The following SPAG16 variants were observed in gnomAD, a reference collection of about 807,000 sequenced individuals.
The protein encoded by SPAG16 is sperm associated antigen 16.
Under a neutral mutation model 80.4 loss-of-function variants are expected in SPAG16, and 86 were observed. The observed-to-expected ratio is 1.07, with a 90% CI of 0.90 to 1.28. The LOEUF is 1.28. Among genes scored for constraint, SPAG16 ranks in the 50% most tolerant of loss-of-function variants. SPAG16 has a pLI of 0.00. For synonymous variants in SPAG16, 294 were observed against 265.9 expected (o/e 1.11, Z -1.03); for missense variants, 870 against 765.3 (o/e 1.14, Z -1.61).
intron 12 of SPAG16, among the ~76,000 whole-genome samples, chr2:213,998,339 C>G (rs1475030290): frequency 6.6e-6 from 1 of 152,078 alleles, no homozygotes; most frequent in Non-Finnish European, 1.5e-5. Flanking sequence ...GTGGTTTCCC[C>G]CATACTGTTC....
At chr2:214,002,035 C>T (rs563012072) in intron 12 of SPAG16, among the ~76,000 whole-genome samples, 1 of 152,192 alleles carries the variant, frequency 6.6e-6, no homozygotes, top group South Asian at 2.1e-4. Flanking sequence ...GAGAGCCGAG[C>T]GAAAGGGGTT....
At chr2:214,012,284 A>ATTTTTTTTTTTT (rs1483720818) in intron 12 of SPAG16, among the ~76,000 whole-genome samples, 19 of 54,590 alleles carry the variant, frequency 3.5e-4, no homozygotes, top group African/African-American at 6.9e-4. Flanking sequence ...ATATATATAT[A>ATTTTTTTTTTTT]TATATTTTTT....
At chr2:214,086,025 T>C (rs2051717947) in intron 13 of SPAG16, among the ~76,000 whole-genome samples, 1 of 152,226 alleles carries the variant, frequency 6.6e-6, no homozygotes, top group Non-Finnish European at 1.5e-5. Context: ...AGATTAAAAT[T>C]TTAAATTACT....
At chr2:214,360,909 A>G (rs13027773) in intron 15 of SPAG16, among the ~76,000 whole-genome samples, 1 of 151,832 alleles carries the variant, frequency 6.6e-6, no homozygotes, top group Non-Finnish European at 1.5e-5. Context: ...TCAATTTTAG[A>G]GGAAGAGAAA....
At chr2:214,356,961 T>A (rs1698850411) in intron 15 of SPAG16, among the ~76,000 whole-genome samples, 1 of 151,954 alleles carries the variant, frequency 6.6e-6, no homozygotes, top group Non-Finnish European at 1.5e-5. Flanking sequence ...AGTGTTTGTC[T>A]CTAATACCCT....
At chr2:213,943,321 G>A (rs1038841469) in intron 12 of SPAG16, among the ~76,000 whole-genome samples, 2 of 152,188 alleles carry the variant, frequency 1.3e-5, no homozygotes, top group Non-Finnish European at 2.9e-5. Context: ...ATACTGCTAT[G>A]AGGGGACTTT....
At chr2:214,148,959 A>G (rs1432410451) in intron 14 of SPAG16, among the ~76,000 whole-genome samples, 181 bp from the exon 15 acceptor site, 1 of 151,488 alleles carries the variant, frequency 6.6e-6, no homozygotes, top group African/African-American at 2.4e-5. Flanking sequence ...TTCTTAGTTT[A>G]GAGGAATGTA....
At chr2:214,008,985 A>G (rs1483857000) in intron 12 of SPAG16, among the ~76,000 whole-genome samples, 2 of 152,160 alleles carry the variant, frequency 1.3e-5, no homozygotes, top group African/African-American at 4.8e-5. Flanking sequence ...TGAATCTCCA[A>G]GTGAGAGTCT....
At chr2:213,949,079 A>G (rs984614926) in intron 12 of SPAG16, among the ~76,000 whole-genome samples, 2 of 152,034 alleles carry the variant, frequency 1.3e-5, no homozygotes, top group Admixed American at 6.6e-5. Context: ...TATTTAGAAG[A>G]CAGAGCAATA....
chr2:213,929,872 C>A (rs1291581532), intron 11 of SPAG16, 88 bp from the exon 12 acceptor site: 2 of 1,139,012 alleles, frequency 1.8e-6, no homozygotes, highest in Non-Finnish European at 2.6e-6. Context: ...GATACATACA[C>A]ATACACACAA....
At position 213,516,846 on chromosome 2, in the gene SPAG16, G is replaced by T. The variant is rs113592934; in HGVS notation, c.1070+26756G>T. The stretch of plus-strand genomic sequence containing the variant: ...ATAATTATGTTGTTTTTCATTAAAT[G>T]GAAAAAATAGAAAAAAGTTTCAAGA... On this transcript the variant is annotated intron_variant, in intron 10 of 15. Coordinates refer to ENST00000331683, the MANE Select transcript of SPAG16 (RefSeq NM_024532.5). 7.9e-4 allele frequency among the ~76,000 whole-genome samples: 120 copies of T among 152,100 alleles called. 2 individuals are homozygous for T. Among genetic ancestry groups the T allele is most frequent in the Middle Eastern group, 3.4e-3 (1 of 294 alleles).
intron 15 of SPAG16, among the ~76,000 whole-genome samples, chr2:214,264,452 T>A (rs1691404742): frequency 6.6e-6 from 1 of 152,156 alleles, no homozygotes; most frequent in Non-Finnish European, 1.5e-5. Flanking sequence ...TTTTTTTTAT[T>A]TAATAGACTT....
At chr2:213,887,225 T>G (rs990990903) in intron 11 of SPAG16, among the ~76,000 whole-genome samples, 2 of 152,006 alleles carry the variant, frequency 1.3e-5, no homozygotes, top group African/African-American at 2.4e-5. Flanking sequence ...AGTTCTCCAG[T>G]TTTTCCATTC....
intron 11 of SPAG16, among the ~76,000 whole-genome samples, chr2:213,865,960 T>C (rs1402769888): frequency 6.7e-6 from 1 of 149,252 alleles, no homozygotes; most frequent in Admixed American, 6.7e-5. Context: ...GCTTAAATTT[T>C]TTAGGAAATA....
intron 15 of SPAG16, among the ~76,000 whole-genome samples, chr2:214,218,141 G>A (rs1057209505): frequency 7.2e-5 from 11 of 152,168 alleles, no homozygotes; most frequent in Non-Finnish European, 2.9e-5. Context: ...ATGCTTTAAT[G>A]TGTCGCATGA....
At chr2:213,862,391 T>C in intron 10 of SPAG16, 94 bp from the exon 11 acceptor site, 1 of 1,502,450 alleles carries the variant, frequency 6.7e-7, no homozygotes, top group Non-Finnish European at 9.1e-7. Context: ...CCTGCCTTGC[T>C]AAAATCGGAT....
chr2:214,031,057 T>C (rs1367360148), intron 13 of SPAG16, among the ~76,000 whole-genome samples: 1 of 152,138 alleles, frequency 6.6e-6, no homozygotes. Context: ...CTGCTCTGTT[T>C]TTTCCCCATC....
chr2:214,409,456 G>A (rs1702177214), intron 15 of SPAG16, among the ~76,000 whole-genome samples: 1 of 151,984 alleles, frequency 6.6e-6, no homozygotes, highest in South Asian at 2.1e-4. Context: ...TTGAGGAAAT[G>A]AGCCACTAAA....
At chr2:214,238,033 A>T (rs1689195195) in intron 15 of SPAG16, 1 of 259,926 alleles carries the variant, frequency 3.8e-6, no homozygotes, top group Admixed American at 5.3e-5. Flanking sequence ...AGAAGTTCTT[A>T]TGCTGCAGAA....
Sources: gnomAD v4.1 joint callset for allele counts (sites outside exome capture counted in the v4.1 genomes callset) on GRCh38, gnomAD v4.1.1 for gene constraint, MANE v1.5 for transcripts, NCBI Gene and HGNC (gene_info 2026-07-23, HGNC 2026-07-21) for gene names.